The following SLC29A3 variants were observed in gnomAD, a reference collection of about 807,000 sequenced individuals.
The protein encoded by SLC29A3 is solute carrier family 29 member 3, also known as equilibrative nucleoside transporter 3.
SLC29A3 carries 18 observed loss-of-function variants against 25.4 expected under a neutral mutation model. The ratio of observed to expected loss-of-function variants is 0.71; its 90% CI spans 0.49 to 1.05. The LOEUF is 1.05. Among genes scored for constraint, SLC29A3 ranks in the 50% least tolerant of loss-of-function variants. The pLI is 0.00. For synonymous variants in SLC29A3, 258 were observed against 267.1 expected, an observed-to-expected ratio of 0.97 and a Z score of 0.33; for missense variants, 586 against 609.0, an observed-to-expected ratio of 0.96 and a Z score of 0.40.
At chr10:71,361,669 C>T (rs1234587056) in intron 5 of SLC29A3, among the ~76,000 whole-genome samples, 1 of 152,236 alleles carries the variant, frequency 6.6e-6, no homozygotes, top group Non-Finnish European at 1.5e-5. Context: ...ACAGGTGAGC[C>T]AGGACAGGGG....
At chr10:71,380,178 G>GCCATTC (rs1847291949) in exon 5 of SLC29A3, 1 of 152,124 alleles carries the variant, frequency 6.6e-6, no homozygotes, top group Non-Finnish European at 1.5e-5. Flanking sequence ...TCACCCCACG[G>GCCATTC]CTTTTACACT....
intron 2 of SLC29A3, among the ~76,000 whole-genome samples, chr10:71,334,088 C>T (rs544418633): frequency 1.5e-4 from 23 of 152,362 alleles, no homozygotes; most frequent in Admixed American, 2.6e-4. Flanking sequence ...GAGCTGGCTT[C>T]TGTTTCTGAC....
intron 3 of SLC29A3, among the ~76,000 whole-genome samples, chr10:71,347,310 C>G (rs1200732689): frequency 1.3e-5 from 2 of 152,174 alleles, no homozygotes; most frequent in Non-Finnish European, 2.9e-5. Context: ...CCTGAGCCCT[C>G]ACGAGTCAGG....
intron 5 of SLC29A3, among the ~76,000 whole-genome samples, chr10:71,357,794 T>G (rs1846953938): frequency 6.6e-6 from 1 of 152,210 alleles, no homozygotes; most frequent in Admixed American, 6.5e-5. Context: ...CTCTCGTGTT[T>G]TATTCTTTTC....
intron 3 of SLC29A3, among the ~76,000 whole-genome samples, chr10:71,349,997 G>T (rs940068806): frequency 1.3e-5 from 2 of 152,170 alleles, no homozygotes; most frequent in Non-Finnish European, 2.9e-5. Flanking sequence ...TGGGCATCCA[G>T]CATAGTACTG....
chr10:71,368,714 A>G (rs1847188195), intron 3 of SLC29A3, among the ~76,000 whole-genome samples: 1 of 152,216 alleles, frequency 6.6e-6, no homozygotes, highest in Non-Finnish European at 1.5e-5. Context: ...GATGCCCTTT[A>G]GAAACCAGTG....
At chr10:71,356,048 T>G in intron 4 of SLC29A3, 33 bp from the exon 5 acceptor site, 2 of 1,612,232 alleles carry the variant, frequency 1.2e-6, no homozygotes, top group Non-Finnish European at 1.7e-6. Flanking sequence ...CGCCCACCCC[T>G]CACCATCTCT....
At chr10:71,338,947 A>G (rs1846324225) in intron 2 of SLC29A3, among the ~76,000 whole-genome samples, 1 of 152,144 alleles carries the variant, frequency 6.6e-6, no homozygotes, top group Non-Finnish European at 1.5e-5. Context: ...CCGCGACCCC[A>G]GTGATAGTGT....
chr10:71,365,654 C>G, downstream of SLC29A3: 1 of 152,126 alleles, frequency 6.6e-6, no homozygotes, highest in Admixed American at 6.5e-5. Context: ...GGGTCATTCC[C>G]TCCCAGGGAG....
chr10:71,323,029 A>G lies in SLC29A3; in HGVS notation c.275A>G (p.Glu92Gly), dbSNP rs549625954. The part of the protein sequence containing the change: ...LRNSSSPATG[E>G]DPEGSDILNY... The stretch of plus-strand genomic sequence containing the variant: ...AACTCCTCCAGCCCAGCCACCGGGG[A>G]GGACCCTGAGGGCTCAGACATCCTG... Residue 92 changes from glutamate to glycine, a missense_variant, in exon 2 of 6, where the codon GAG becomes GGG. Transcript: ENST00000373189. 1.2e-6 allele frequency: 2 copies of G among 1,613,608 alleles called. No individual in the cohort carries two copies. The highest frequency in any genetic ancestry group is 2.7e-5 in the African/African-American group (2 of 75,068).
intron 2 of SLC29A3, among the ~76,000 whole-genome samples, chr10:71,335,962 G>A (rs1846240548): frequency 6.6e-6 from 1 of 152,186 alleles, no homozygotes; most frequent in Non-Finnish European, 1.5e-5. Context: ...AGGAAGTGTG[G>A]AGGTGGGGGC....
chr10:71,336,032 T>C (rs1846243170), intron 2 of SLC29A3, among the ~76,000 whole-genome samples: 3 of 152,184 alleles, frequency 2.0e-5, no homozygotes, highest in Admixed American at 2.0e-4. Flanking sequence ...ATTAGTTTCT[T>C]GTGGCTGCCT....
chr10:71,356,425 T>A (rs1180078852), intron 5 of SLC29A3, among the ~76,000 whole-genome samples, 182 bp downstream of exon 5: 1 of 152,248 alleles, frequency 6.6e-6, no homozygotes, highest in East Asian at 1.9e-4. Context: ...GTCAAGCAGT[T>A]GGAGCCTCAA....
intron 2 of SLC29A3, among the ~76,000 whole-genome samples, chr10:71,325,861 G>C (rs1173601803): frequency 2.0e-5 from 3 of 151,860 alleles, no homozygotes; most frequent in African/African-American, 7.3e-5. Flanking sequence ...CACTGGACAG[G>C]GCTTGGCTGT....
chr10:71,370,827 TATG>T (rs1847206608), intron 3 of SLC29A3, among the ~76,000 whole-genome samples: 1 of 152,168 alleles, frequency 6.6e-6, no homozygotes, highest in Non-Finnish European at 1.5e-5. Flanking sequence ...TCAGGGTACA[TATG>T]ATAATTTAAT....
chr10:71,336,718 AGGAAGAGCCCTTTTTGC>A (rs1774609838), intron 2 of SLC29A3, among the ~76,000 whole-genome samples: 3 of 151,962 alleles, frequency 2.0e-5, no homozygotes, highest in Admixed American at 2.0e-4. Context: ...CTTAGGCTGG[AGGAAGAGCCCTTTTTGC>A]GGAGTGGAAA....
intron 1 of SLC29A3, 31 bp from the exon 2 acceptor site, chr10:71,322,725 C>CCTGTCT (rs1306576734): frequency 6.2e-7 from 1 of 1,613,580 alleles, no homozygotes; most frequent in South Asian, 1.1e-5. Context: ...ACTCACCTAC[C>CCTGTCT]CTGTCTCTGT....
intron 5 of SLC29A3, 50 bp from the exon 6 acceptor site, chr10:71,361,904 C>A: frequency 6.2e-7 from 1 of 1,610,000 alleles, no homozygotes. Context: ...GCTGTGCTGA[C>A]TCAGATCCCA....
intron 3 of SLC29A3, among the ~76,000 whole-genome samples, chr10:71,374,007 G>A (rs767158081): frequency 4.3e-4 from 65 of 152,314 alleles, no homozygotes; most frequent in Admixed American, 2.4e-3. Flanking sequence ...CTTCCAGGTT[G>A]TTATAAAGGT....
Sources: allele counts gnomAD v4.1 joint callset (sites outside exome capture counted in the v4.1 genomes callset), GRCh38; gene constraint gnomAD v4.1.1; transcripts MANE v1.5; gene names NCBI Gene and HGNC (gene_info 2026-07-23, HGNC 2026-07-21).